Variants in RGS6 observed in about 807,000 individuals in gnomAD.
RGS6 encodes the protein regulator of G protein signaling 6.
RGS6 carries 30 observed loss-of-function variants against 78.5 expected under a neutral mutation model. The observed-to-expected ratio is 0.38, with a 90% CI of 0.29 to 0.52. The LOEUF is 0.52. Among genes scored for constraint, RGS6 ranks in the 20% least tolerant of loss-of-function variants. The pLI, the probability that RGS6 is intolerant of heterozygous loss-of-function variation, is 0.85. For missense variants in RGS6, 495 were observed against 609.7 expected (o/e 0.81, Z 1.98); for synonymous variants, 206 against 206.0 (o/e 1.00, Z 0.00).
chr14:72,559,778 G>A (rs961830786), intron 17 of RGS6, among the ~76,000 whole-genome samples: 2 of 152,214 alleles, frequency 1.3e-5, no homozygotes, highest in Non-Finnish European at 2.9e-5. Flanking sequence ...TGGAGTCAGA[G>A]CGGTGAGGCT....
intron 9 of RGS6, among the ~76,000 whole-genome samples, chr14:72,473,381 T>A (rs2096142924): frequency 1.3e-5 from 2 of 152,134 alleles, no homozygotes; most frequent in African/African-American, 2.4e-5. Context: ...GAGGCGGAGC[T>A]TGCAGTGAGC....
intron 3 of RGS6, among the ~76,000 whole-genome samples, chr14:72,365,756 TAATA>T (rs1333467056): frequency 1.3e-5 from 2 of 152,142 alleles, no homozygotes; most frequent in South Asian, 2.1e-4. Context: ...ATAAAAATGT[TAATA>T]AATTTAAATA....
intron 2 of RGS6, among the ~76,000 whole-genome samples, chr14:72,103,996 T>C (rs2095579730): frequency 6.6e-6 from 1 of 152,210 alleles, no homozygotes; most frequent in African/African-American, 2.4e-5. Flanking sequence ...CAATTGTTGT[T>C]TTGCTATTTT....
At position 72,300,189 on chromosome 14, in the gene RGS6, T is replaced by C. The variant is rs535028787; in HGVS notation, c.85-51906T>C. Among the ~76,000 whole-genome samples, 5 of 152,254 alleles carry C rather than the reference T, an allele frequency of 3.3e-5. No individual in the cohort carries two copies. The East Asian group carries it at 9.7e-4, about 29-fold the overall frequency. On this transcript the variant is annotated intron_variant, in intron 2 of 17. Transcript: ENST00000553525. ...AGCTTTTACTTTTTCTCTATCTTTT[T>C]TTTTTCTGATACTATTGATTGCTTA... is the stretch of plus-strand genomic sequence containing the variant.
intron 2 of RGS6, 77 bp downstream of exon 2, chr14:71,964,952 A>G (rs1005490728): frequency 9.4e-7 from 1 of 1,065,066 alleles, no homozygotes; most frequent in Admixed American, 2.7e-5. Flanking sequence ...TAAAAAGACA[A>G]ATGTTTTCTG....
At chr14:72,125,878 T>C (rs559906622) in intron 2 of RGS6, among the ~76,000 whole-genome samples, 78 of 152,276 alleles carry the variant, frequency 5.1e-4, no homozygotes, top group African/African-American at 1.8e-3. Flanking sequence ...TTGAACTGGG[T>C]AAGAACTGAC....
Position 72,361,702 on chromosome 14 carries a change from GAGA to G in RGS6, c.184+9511_184+9513del, listed in dbSNP as rs2081490065. 2.6e-5 allele frequency among the ~76,000 whole-genome samples: 4 copies of G among 152,308 alleles called. No individual in the cohort carries two copies. In the South Asian group the frequency reaches 8.3e-4, roughly 32 times the overall value. On this transcript the variant is annotated intron_variant, in intron 3 of 17. Transcript: ENST00000553525. Reference sequence around the variant, plus strand: ...TGAAATCACTACTGGGGGAGTGTTAGAGAAGGTGGTTGTGAGTTAAAATCTTTA... The same window carrying G: ...TGAAATCACTACTGGGGGAGTGTTAGAGGTGGTTGTGAGTTAAAATCTTTA...
intron 3 of RGS6, among the ~76,000 whole-genome samples, chr14:72,372,382 A>G (rs368212442): frequency 1.2e-4 from 18 of 152,222 alleles, no homozygotes; most frequent in African/African-American, 4.1e-4. Flanking sequence ...TTCAGGTTCT[A>G]TGACACCATT....
chr14:72,554,418 A>G (rs560647500), intron 17 of RGS6, among the ~76,000 whole-genome samples: 27 of 152,360 alleles, frequency 1.8e-4, no homozygotes, highest in Admixed American at 3.9e-4. Context: ...TGTCTCCCGT[A>G]GTCATAGTCA....
chr14:72,458,233 TTTCTAA>T, intron 4 of RGS6, 32 bp from the exon 5 acceptor site: 1 of 1,523,582 alleles, frequency 6.6e-7, no homozygotes, highest in Non-Finnish European at 9.0e-7. Context: ...AATAACCTGC[TTTCTAA>T]TTCCTTCTCT....
intron 12 of RGS6, among the ~76,000 whole-genome samples, chr14:72,485,734 A>G (rs1226731693): frequency 3.3e-5 from 5 of 152,178 alleles, no homozygotes; most frequent in African/African-American, 1.2e-4. Context: ...GGGGCTGTGG[A>G]ATTGAACCCT....
intron 2 of RGS6, among the ~76,000 whole-genome samples, chr14:72,083,978 A>G (rs554823606): frequency 6.6e-6 from 1 of 152,328 alleles, no homozygotes; most frequent in Non-Finnish European, 1.5e-5. Context: ...ATTGCCAGAA[A>G]TAGTCATGTA....
chr14:71,929,248 A>G (rs1412868539), upstream of RGS6, among the ~76,000 whole-genome samples: 1 of 152,270 alleles, frequency 6.6e-6, no homozygotes, highest in Non-Finnish European at 1.5e-5. Flanking sequence ...TTTGGATCCC[A>G]TTCAAGATCA....
chr14:71,923,705 GGATTCAATTTCCAT>G, the RGS6 span, among the ~76,000 whole-genome samples: 1 of 152,256 alleles, frequency 6.6e-6, no homozygotes, highest in East Asian at 1.9e-4. Context: ...GCATACTCTA[GGATTCAATTTCCAT>G]GACAGTCTAG....
At chr14:71,957,697 G>A (rs188395103) in intron 1 of RGS6, among the ~76,000 whole-genome samples, 2 of 152,184 alleles carry the variant, frequency 1.3e-5, no homozygotes, top group Non-Finnish European at 2.9e-5. Context: ...CCTGTTACAT[G>A]GCTATCTTTC....
chr14:72,622,666 C>T, the RGS6 span, among the ~76,000 whole-genome samples: 1 of 152,082 alleles, frequency 6.6e-6, no homozygotes, highest in South Asian at 2.1e-4. Flanking sequence ...TCTCTTCCAC[C>T]ACCAAGAGCC....
chr14:72,573,517 G>T, the RGS6 span, among the ~76,000 whole-genome samples: 3 of 152,200 alleles, frequency 2.0e-5, no homozygotes, highest in Non-Finnish European at 4.4e-5. Context: ...TGACCCACAG[G>T]CAGATGGGAA....
the RGS6 span, among the ~76,000 whole-genome samples, chr14:71,879,936 G>A: frequency 1.3e-5 from 2 of 152,228 alleles, no homozygotes; most frequent in Non-Finnish European, 1.5e-5. Flanking sequence ...AGGAAAAAGG[G>A]GGAAAGTTTG....
intron 2 of RGS6, among the ~76,000 whole-genome samples, chr14:72,068,137 A>ATGTATT (rs11400624): frequency 6.9e-6 from 1 of 145,504 alleles, no homozygotes; most frequent in Non-Finnish European, 1.5e-5. Flanking sequence ...GTATGTATGT[A>ATGTATT]TTTTTTTTTT....
Sources: gnomAD v4.1 joint callset for allele counts (sites outside exome capture counted in the v4.1 genomes callset) on GRCh38, gnomAD v4.1.1 for gene constraint, MANE v1.5 for transcripts, NCBI Gene and HGNC (gene_info 2026-07-23, HGNC 2026-07-21) for gene names.